ROBO1: variants seen among roughly 807,000 people sequenced by gnomAD.
The protein encoded by ROBO1 is roundabout guidance receptor 1, also known as roundabout homolog 1.
ROBO1 carries 149 observed loss-of-function variants against 195.9 expected under a neutral mutation model. The ratio of observed to expected loss-of-function variants is 0.76; its 90% CI spans 0.67 to 0.87. The LOEUF is 0.87. Among genes scored for constraint, ROBO1 ranks in the 40% least tolerant of loss-of-function variants. The pLI is 0.00. For missense variants in ROBO1, 1,933 were observed against 2,068.3 expected, an observed-to-expected ratio of 0.93 and a Z score of 1.27; for synonymous variants, 816 against 733.2, an observed-to-expected ratio of 1.11 and a Z score of -1.82.
intron 1 of ROBO1, among the ~76,000 whole-genome samples, chr3:79,673,293 AG>A (rs1248853391): frequency 1.4e-4 from 21 of 152,086 alleles, no homozygotes; most frequent in African/African-American, 4.8e-4. Flanking sequence ...AATTCTCTTG[AG>A]GGTAAAACAT....
At chr3:78,957,701 T>C (rs148512136) in intron 3 of ROBO1, among the ~76,000 whole-genome samples, 236 of 152,316 alleles carry the variant, frequency 1.5e-3, no homozygotes, top group Non-Finnish European at 3.1e-3. Flanking sequence ...GGATATGGAT[T>C]TAAACCGATT....
intron 2 of ROBO1, among the ~76,000 whole-genome samples, chr3:79,395,805 G>A (rs529564018): frequency 3.3e-5 from 5 of 151,834 alleles, no homozygotes; most frequent in Admixed American, 2.0e-4. Context: ...TTAGTGTTAC[G>A]TTCTAATTTA....
chr3:79,034,397 T>C (rs1320255560), intron 3 of ROBO1, among the ~76,000 whole-genome samples: 2 of 152,202 alleles, frequency 1.3e-5, no homozygotes, highest in African/African-American at 2.4e-5. Context: ...GCCTGACTTC[T>C]GGTGCATGGT....
intron 1 of ROBO1, among the ~76,000 whole-genome samples, chr3:79,706,531 C>T (rs1043988273): frequency 1.3e-5 from 2 of 152,038 alleles, no homozygotes; most frequent in Non-Finnish European, 2.9e-5. Flanking sequence ...TGTGTCCACA[C>T]CCAAATCTCA....
At position 79,608,039 on chromosome 3, in the gene ROBO1, C is replaced by G. The variant is rs114113663; in HGVS notation, c.-50-18078G>C. Among the ~76,000 whole-genome samples the G allele has an allele frequency of 5.3e-3, 801 of 152,104 alleles. 11 individuals are homozygous for G. Among genetic ancestry groups the G allele is most frequent in the African/African-American group, 0.019 (779 of 41,552 alleles). ...CAATTAGTACGATTTCATCAAATAA[C>G]TGTATGAGTTTTATTCTTTACAAAA... On this transcript the variant is annotated intron_variant, in intron 1 of 30. Coordinates refer to ENST00000464233, the MANE Select transcript of ROBO1 (RefSeq NM_002941.4).
intron 4 of ROBO1, among the ~76,000 whole-genome samples, chr3:78,832,259 C>T (rs2032294384): frequency 6.6e-6 from 1 of 152,090 alleles, no homozygotes; most frequent in African/African-American, 2.4e-5. Context: ...ATTGCTGGTT[C>T]TTTTCTCAAC....
At chr3:79,300,602 C>T (rs1458338083) in intron 2 of ROBO1, among the ~76,000 whole-genome samples, 1 of 152,198 alleles carries the variant, frequency 6.6e-6, no homozygotes, top group African/African-American at 2.4e-5. Flanking sequence ...CTGGGGCGTG[C>T]AGGCGCACTG....
rs375973147 is a variant in ROBO1, at chr3:79,275,478, C to A, written c.89-149939G>T. Among the ~76,000 whole-genome samples, 23 of 151,882 alleles carry A rather than the reference C, an allele frequency of 1.5e-4. No homozygotes were observed. The East Asian group carries it at 3.7e-3, about 24-fold the overall frequency. Reference sequence around the variant, plus strand: ...AAAAACTGGGTATAGATGTGACATGCCACAGCACAATAAAAGCAATATATA... The same window carrying A: ...AAAAACTGGGTATAGATGTGACATGACACAGCACAATAAAAGCAATATATA... On this transcript the variant is annotated intron_variant, in intron 2 of 30. Coordinates refer to ENST00000464233, the MANE Select transcript of ROBO1 (RefSeq NM_002941.4).
At chr3:78,610,009 T>G (rs1233519167) in intron 28 of ROBO1, among the ~76,000 whole-genome samples, 1 of 152,152 alleles carries the variant, frequency 6.6e-6, no homozygotes, top group Non-Finnish European at 1.5e-5. Context: ...CTACCAGCTG[T>G]TTTACTTAGG....
At chr3:79,569,701 G>A (rs1408791932) in intron 2 of ROBO1, among the ~76,000 whole-genome samples, 2 of 151,122 alleles carry the variant, frequency 1.3e-5, no homozygotes, top group Non-Finnish European at 3.0e-5. Context: ...ATATATATAT[G>A]TGTGTGTGTA....
chr3:79,569,126 G>GCGCGTGCACACGCGCACACACA (rs1553766450), intron 2 of ROBO1, among the ~76,000 whole-genome samples: 8 of 149,614 alleles, frequency 5.3e-5, no homozygotes, highest in African/African-American at 2.0e-4. Flanking sequence ...GTGCACACGC[G>GCGCGTGCACACGCGCACACACA]CACACACACA....
Position 78,659,690 on chromosome 3 carries a change from T to C in ROBO1, c.2438A>G (p.Tyr813Cys), listed in dbSNP as rs2107659185. The change falls in exon 17 of 31, where the codon TAT becomes TGT. Residue 813 changes from tyrosine to cysteine, a missense_variant. Physicochemically the swap from Tyr to Cys is radical, Grantham distance 194 (BLOSUM62 -2). Around this residue, in one of 3 missense-constraint regions of ROBO1, gnomAD observed 1,737 missense variants for 1,882.5 expected, o/e 0.92. Transcript: ENST00000464233. ...EDTQNGMVQE[Y>C]KVWCLGNETR... is the part of the protein sequence containing the mutation. ...ATATATATATTATACTCATACCTTA[T>C]ACTCTTGGACCATTCCATTTTGAGT... 6.5e-7 allele frequency: 1 copy of C among 1,544,298 alleles called. No homozygotes were observed. The highest frequency in any genetic ancestry group is 8.8e-7 in the Non-Finnish European group (1 of 1,141,842).
intron 2 of ROBO1, among the ~76,000 whole-genome samples, chr3:79,201,306 C>T (rs556072870): frequency 8.5e-5 from 13 of 152,106 alleles, no homozygotes; most frequent in Admixed American, 2.6e-4. Context: ...TCATTTGACA[C>T]TGTCACCTTT....
chr3:79,366,832 G>A (rs2035995071), intron 2 of ROBO1, among the ~76,000 whole-genome samples: 2 of 152,222 alleles, frequency 1.3e-5, no homozygotes, highest in Admixed American at 1.3e-4. Flanking sequence ...TTAGATTCCT[G>A]CTAAAAGGCT....
intron 2 of ROBO1, among the ~76,000 whole-genome samples, chr3:79,379,237 G>T (rs893143092): frequency 1.3e-5 from 2 of 152,244 alleles, no homozygotes; most frequent in East Asian, 3.9e-4. Context: ...TCTCGATTAC[G>T]TTTCATGCTC....
chr3:79,316,849 T>C (rs2033758170), intron 2 of ROBO1, among the ~76,000 whole-genome samples: 1 of 152,128 alleles, frequency 6.6e-6, no homozygotes, highest in African/African-American at 2.4e-5. Context: ...CAAGAAGGCA[T>C]CAGCTGTCCT....
At chr3:79,686,545 A>G (rs1051482950) in intron 1 of ROBO1, among the ~76,000 whole-genome samples, 7 of 152,160 alleles carry the variant, frequency 4.6e-5, no homozygotes, top group Non-Finnish European at 5.9e-5. Context: ...AAATCAATGT[A>G]CAAAAATCAC....
chr3:79,079,763 GA>G (rs1324724676), intron 3 of ROBO1, among the ~76,000 whole-genome samples: 1 of 150,920 alleles, frequency 6.6e-6, no homozygotes, highest in African/African-American at 2.4e-5. Flanking sequence ...GACAGGGTGA[GA>G]AAAAAAATAA....
At chr3:78,612,982 A>C (rs1703906048) in intron 28 of ROBO1, among the ~76,000 whole-genome samples, 2 of 152,320 alleles carry the variant, frequency 1.3e-5, no homozygotes, top group Admixed American at 6.5e-5. Context: ...TCAATTTAAT[A>C]GTTATTATTC....
Sources: gnomAD v4.1 joint callset for allele counts (sites outside exome capture counted in the v4.1 genomes callset) on GRCh38, gnomAD v4.1.1 for gene constraint, gnomAD v4.1.1 regional missense constraint, MANE v1.5 for transcripts, NCBI Gene and HGNC (gene_info 2026-07-23, HGNC 2026-07-21) for gene names.